GAREM2: variants seen among roughly 807,000 people sequenced by gnomAD.
The protein encoded by GAREM2 is GRB2 associated regulator of MAPK1 subtype 2.
A neutral mutation model predicts 55.6 loss-of-function variants in GAREM2; 30 were observed. That is an observed-to-expected ratio of 0.54 (90% CI 0.40 to 0.73). The LOEUF (loss-of-function observed/expected upper bound fraction) is 0.73. GAREM2 is among the 30% of genes least tolerant of loss of function. The probability of loss-of-function intolerance (pLI) is 0.00; values close to 1 mark genes in which losing one functional copy is unlikely to be tolerated. For synonymous variants in GAREM2, 550 were observed against 569.1 expected, an observed-to-expected ratio of 0.97 and a Z score of 0.48; for missense variants, 1,075 against 1,257.7, an observed-to-expected ratio of 0.85 and a Z score of 2.20.
chr2:26,192,400 T>G (rs1669534980), downstream of GAREM2: 1 of 1,598,968 alleles, frequency 6.3e-7, no homozygotes, highest in Admixed American at 1.7e-5. Context: ...CTGATAGATG[T>G]AAAAGCCCTT....
rs1669325416 is a variant in GAREM2 at position 26,187,647 on chromosome 2, G to T, written c.2015G>T (p.Gly672Val). The T allele has an allele frequency of 3.2e-6, 5 of 1,544,454 alleles. No individual in the cohort carries two copies. Among genetic ancestry groups the T allele is most frequent in the Non-Finnish European group, 4.4e-6 (5 of 1,143,420 alleles). The change falls in exon 6 of 6, where the codon GGC becomes GTC. Residue 672 changes from glycine to valine, a missense_variant. Gly to Val is a moderately radical substitution (Grantham distance 109, BLOSUM62 -3). This residue lies in a region of GAREM2 where 515 missense variants were observed against 501.5 expected (regional missense o/e 1.03). Transcript: ENST00000401533. ...TATTCCCCAGGCCCAGCCTCGCCAG[G>T]CCAGGCCTATTCAGCTGCTCCCCCC... ...PAYSPGPASPGQAYSAAPPSS... is the reference protein window; with the variant it reads ...PAYSPGPASPVQAYSAAPPSS...
At chr2:26,202,121 A>C in the GAREM2 span, among the ~76,000 whole-genome samples, 264 of 152,252 alleles carry the variant, frequency 1.7e-3, 2 homozygotes, top group Middle Eastern at 6.8e-3. Context: ...CTTCTAAAGA[A>C]CAGAGACCAA....
chr2:26,188,515 A>G lies in GAREM2; in HGVS notation c.*258A>G, dbSNP rs1035366477. 3.5e-5 allele frequency: 13 copies of G among 368,970 alleles called. No individual in the cohort carries two copies. The highest frequency in any genetic ancestry group is 5.8e-5 in the Non-Finnish European group (12 of 207,492). The allele number at this position is 368,970 out of a possible 1,614,324, so 22.9% of individuals were successfully genotyped here. A position where few individuals can be genotyped will look rare whatever the true frequency, so the allele number is the denominator to read the frequency against. ...GCACCACTGTGTACCTGGGCCCAGT[A>G]AGGCATTTGCCGTGATTCCCACAAC... On this transcript the variant is annotated 3_prime_UTR_variant, in exon 6 of 6. Transcript: ENST00000401533.
At chr2:26,174,666 G>C (rs1459452210) in intron 1 of GAREM2, among the ~76,000 whole-genome samples, 1 of 152,254 alleles carries the variant, frequency 6.6e-6, no homozygotes, top group Non-Finnish European at 1.5e-5. Flanking sequence ...TGGCCCAGCT[G>C]TCTGTTGTGT....
chr2:26,191,456 G>A, downstream of GAREM2: 1 of 1,614,172 alleles, frequency 6.2e-7, no homozygotes, highest in Non-Finnish European at 8.5e-7. Flanking sequence ...GCTAAAGTGA[G>A]CTTCCTTCCC....
chr2:26,189,173 T>G lies in GAREM2; in HGVS notation c.*916T>G, dbSNP rs908600083. 6.6e-6 allele frequency: 1 copy of G among 152,278 alleles called. No homozygotes were observed. Among genetic ancestry groups the G allele is most frequent in the Admixed American group, 6.5e-5 (1 of 15,284 alleles). 9.4% of individuals were successfully genotyped at this position (152,278 alleles called of 1,614,324 possible). A position where few individuals can be genotyped will look rare whatever the true frequency, so the allele number is the denominator to read the frequency against. On this transcript the variant is annotated 3_prime_UTR_variant, in exon 6 of 6. Coordinates refer to ENST00000401533, the MANE Select transcript of GAREM2 (RefSeq NM_001168241.2). ...CCCCATCATTTGTCTCTGACAATAC[T>G]TGGTGTTTTTCCCTGGTTTTCTGTC...
the GAREM2 span, among the ~76,000 whole-genome samples, chr2:26,197,198 A>G: frequency 1.3e-5 from 2 of 152,160 alleles, no homozygotes; most frequent in African/African-American, 4.8e-5. Flanking sequence ...GCAAAAATAA[A>G]TTTCTGGGCA....
Position 26,186,304 on chromosome 2 carries a change from C to T in GAREM2, c.1544C>T (p.Pro515Leu). The change falls in exon 5 of 6, where the codon CCG (proline) becomes CTG (leucine). Residue 515 changes from proline (P) to leucine (L), a missense_variant. This residue lies in a region of GAREM2 where 515 missense variants were observed against 501.5 expected (regional missense o/e 1.03). Transcript: ENST00000401533. The part of the protein sequence containing the change: ...PVPPRFPKLQ[P>L]VHSPSSSLSY... ...CCCCCTCGCTTCCCCAAGCTGCAGC[C>T]GGTACATTCCCCCAGCTCCAGCCTC... 3.2e-6 allele frequency: 5 copies of T among 1,551,620 alleles called. No individual in the cohort carries two copies. The South Asian group carries it at 5.9e-5, about 18-fold the overall frequency.
downstream of GAREM2, chr2:26,191,205 G>A (rs761478081): frequency 5.0e-6 from 8 of 1,592,958 alleles, no homozygotes; most frequent in Middle Eastern, 2.3e-4. Flanking sequence ...CAGCACTGCC[G>A]GCAGCTGGGG....
chr2:26,186,447 G>C (rs1669262693), intron 5 of GAREM2, 89 bp downstream of exon 5: 4 of 1,299,806 alleles, frequency 3.1e-6, no homozygotes, highest in Non-Finnish European at 4.3e-6. Context: ...CTGAGGAAGA[G>C]GAAGTCTTGA....
downstream of GAREM2, chr2:26,193,862 T>G: frequency 1.0e-6 from 1 of 993,322 alleles, no homozygotes; most frequent in African/African-American, 1.6e-5. Flanking sequence ...CACTGCCTTG[T>G]GTAAAACCCA....
At chr2:26,197,769 T>A in the GAREM2 span, 1 of 1,482,046 alleles carries the variant, frequency 6.7e-7, no homozygotes, top group Non-Finnish European at 9.4e-7. Flanking sequence ...TACAGTGATC[T>A]GGAATCACCT....
In GAREM2 at chr2:26,184,970, C is replaced by T. The variant is rs1574592885; in HGVS notation, c.1122C>T (p.Ser374=). The T allele has an allele frequency of 3.3e-6, 4 of 1,204,002 alleles. No individual in the cohort carries two copies. Among genetic ancestry groups the T allele is most frequent in the Non-Finnish European group, 4.1e-6 (4 of 971,044 alleles). The allele number at this position is 1,204,002 out of a possible 1,614,324, so 74.6% of individuals were successfully genotyped here. A position where few individuals can be genotyped will look rare whatever the true frequency, so the allele number is the denominator to read the frequency against. The change falls in exon 4 of 6, where the codon AGC becomes AGT. Residue 374 remains serine (S), a synonymous_variant. Transcript: ENST00000401533. ...CGGAGCTCGCCGAAGACTGCGCCAG[C>T]CCGCGCCGCGCGCGCCTCTGCCTGC... is the stretch of plus-strand genomic sequence containing the variant. ...APAELAEDCA[S]PRRARLCLPA...
At chr2:26,191,607 C>T (rs1479427836), downstream of GAREM2, 1 of 1,614,080 alleles carries the variant, frequency 6.2e-7, no homozygotes, top group East Asian at 2.2e-5. Flanking sequence ...CCAGGCGGAA[C>T]TGGATGTCTT....
At chr2:26,191,002 C>G (rs921313663), downstream of GAREM2, 8 of 580,184 alleles carry the variant, frequency 1.4e-5, no homozygotes, top group Admixed American at 1.1e-4. Context: ...GGCTGCCACT[C>G]TAGGCCTCGG....
the GAREM2 span, chr2:26,201,348 G>C: frequency 6.7e-7 from 1 of 1,501,498 alleles, no homozygotes; most frequent in African/African-American, 1.4e-5. Flanking sequence ...CTAGTTAGAT[G>C]GGAAGAAAAG....
rs1282072703 is a variant in GAREM2, at chr2:26,188,128, C to T, written c.2496C>T (p.Ala832=). 1 of 1,551,474 alleles carries T rather than the reference C, an allele frequency of 6.4e-7. No homozygotes were observed. Among genetic ancestry groups the T allele is most frequent in the Admixed American group, 2.0e-5 (1 of 50,964 alleles). ...GLSEDVVSFF[A]RERIDGSIFV... is the part of the protein sequence containing the mutation. ...CAGAGGATGTGGTGAGCTTCTTTGC[C>T]CGAGAACGCATCGATGGTAGCATCT... The change falls in exon 6 of 6, where the codon GCC becomes GCT. Residue 832 remains alanine, a synonymous_variant. Coordinates refer to ENST00000401533, the MANE Select transcript of GAREM2 (RefSeq NM_001168241.2).
chr2:26,180,548 TC>T (rs1177522456), intron 2 of GAREM2, among the ~76,000 whole-genome samples: 1 of 152,246 alleles, frequency 6.6e-6, no homozygotes, highest in Non-Finnish European at 1.5e-5. Flanking sequence ...CTCTCCAGGA[TC>T]TGCCTTGGCC....
chr2:26,199,567 C>T, the GAREM2 span, among the ~76,000 whole-genome samples: 1 of 152,124 alleles, frequency 6.6e-6, no homozygotes, highest in Admixed American at 6.5e-5. Context: ...TGTCTTTTCT[C>T]CCAGCTAGAA....
Sources: gnomAD v4.1 joint callset for allele counts (sites outside exome capture counted in the v4.1 genomes callset) on GRCh38, gnomAD v4.1.1 for gene constraint, gnomAD v4.1.1 regional missense constraint, MANE v1.5 for transcripts, NCBI Gene and HGNC (gene_info 2026-07-23, HGNC 2026-07-21) for gene names.